The following CABIN1 variants were observed in gnomAD, a reference collection of about 807,000 sequenced individuals.
CABIN1 encodes the protein calcineurin binding protein 1.
In CABIN1, 133 loss-of-function variants were observed where a neutral mutation model predicts 227.7. That is an observed-to-expected ratio of 0.58 (90% CI 0.51 to 0.67). The LOEUF (loss-of-function observed/expected upper bound fraction) is 0.67. Ranked by LOEUF, CABIN1 falls within the 30% of genes least tolerant of loss-of-function variation. The probability of loss-of-function intolerance (pLI) is 0.00; values close to 1 mark genes in which losing one functional copy is unlikely to be tolerated. For synonymous variants in CABIN1, 1,086 were observed against 1,155.1 expected, an observed-to-expected ratio of 0.94 and a Z score of 1.21; for missense variants, 2,408 against 2,852.5, an observed-to-expected ratio of 0.84 and a Z score of 3.55.
chr22:24,122,761 A>G (rs6004064), intron 28 of CABIN1, among the ~76,000 whole-genome samples: 19,637 of 151,822 alleles, frequency 0.13, 1,553 homozygotes, highest in East Asian at 0.3. Context: ...TCGTTTAAGC[A>G]CCAAAGTTTC....
chr22:24,116,264 A>G (rs956651250), intron 27 of CABIN1, among the ~76,000 whole-genome samples: 4 of 152,340 alleles, frequency 2.6e-5, no homozygotes, highest in African/African-American at 7.2e-5. Flanking sequence ...AGTTGTCCAC[A>G]GTTTCATCAC....
chr22:24,155,769 C>G (rs561822166), intron 29 of CABIN1: 385 of 384,256 alleles, frequency 1.0e-3, no homozygotes, highest in African/African-American at 7.0e-3. Context: ...CCCGGCCTGC[C>G]GCACTCCTGG....
chr22:24,100,154 AT>A (rs772949001), intron 26 of CABIN1, among the ~76,000 whole-genome samples: 1 of 152,182 alleles, frequency 6.6e-6, no homozygotes, highest in Non-Finnish European at 1.5e-5. Flanking sequence ...TTTAAAAAAA[AT>A]GTCTTCAAAG....
At chr22:24,115,690 C>G (rs1012532732) in intron 27 of CABIN1, among the ~76,000 whole-genome samples, 2 of 152,166 alleles carry the variant, frequency 1.3e-5, no homozygotes, top group African/African-American at 4.8e-5. Flanking sequence ...AGCAGCCTGG[C>G]CATCACAGTC....
intron 29 of CABIN1, among the ~76,000 whole-genome samples, chr22:24,158,321 C>T (rs972958455): frequency 2.6e-5 from 4 of 152,224 alleles, no homozygotes; most frequent in Non-Finnish European, 4.4e-5. Context: ...TGCCCACTCT[C>T]GTGGTCCCCT....
chr22:24,151,908 C>T (rs371408002), intron 29 of CABIN1, among the ~76,000 whole-genome samples: 3 of 152,364 alleles, frequency 2.0e-5, no homozygotes, highest in African/African-American at 7.2e-5. Flanking sequence ...TTCCTCCACT[C>T]AGTCCTCCAG....
At chr22:24,015,768 C>A in intron 1 of CABIN1, among the ~76,000 whole-genome samples, 1 of 151,984 alleles carries the variant, frequency 6.6e-6, no homozygotes, top group Non-Finnish European at 1.5e-5. Flanking sequence ...CCAGCCTGAC[C>A]AACATGGTGA....
chr22:24,012,692 A>G (rs1297315642), intron 1 of CABIN1, among the ~76,000 whole-genome samples: 1 of 152,182 alleles, frequency 6.6e-6, no homozygotes, highest in Non-Finnish European at 1.5e-5. Flanking sequence ...CTGCTATCTG[A>G]GGAAATGCAG....
chr22:24,154,062 G>A (rs1410211977), intron 29 of CABIN1, among the ~76,000 whole-genome samples: 1 of 152,176 alleles, frequency 6.6e-6, no homozygotes, highest in Non-Finnish European at 1.5e-5. Context: ...GGAGAGCTAG[G>A]TGCTGCCCGT....
chr22:24,172,252 A>C (rs990517362), intron 34 of CABIN1, among the ~76,000 whole-genome samples: 3 of 152,124 alleles, frequency 2.0e-5, no homozygotes, highest in Admixed American at 6.5e-5. Context: ...GGTGGTGAGG[A>C]GGGAGGGAGC....
intron 19 of CABIN1, 152 bp from the exon 20 acceptor site, chr22:24,083,076 G>A: frequency 1.3e-6 from 1 of 759,128 alleles, no homozygotes; most frequent in Non-Finnish European, 2.2e-6. Flanking sequence ...GGAAACAGGT[G>A]TTTTTGGAAT....
intron 26 of CABIN1, chr22:24,102,326 T>G (rs1030994177): frequency 3.9e-5 from 6 of 152,252 alleles, no homozygotes; most frequent in African/African-American, 1.4e-4. Context: ...ATCCTTGCTC[T>G]CTGCCTGTCG....
chr22:24,156,120 T>G (rs1243656867), intron 29 of CABIN1: 4 of 402,138 alleles, frequency 9.9e-6, no homozygotes, highest in Non-Finnish European at 1.8e-5. Flanking sequence ...GGGCCGGGAC[T>G]GGGGCCGGGG....
chr22:24,096,773 A>G (rs901572530), intron 25 of CABIN1, among the ~76,000 whole-genome samples: 1 of 152,206 alleles, frequency 6.6e-6, no homozygotes, highest in South Asian at 2.1e-4. Flanking sequence ...CTTCTGAGAC[A>G]TGCTCAGGGT....
At chr22:24,165,387 C>G (rs1472656458) in intron 30 of CABIN1, 143 bp from the exon 31 acceptor site, 2 of 778,062 alleles carry the variant, frequency 2.6e-6, no homozygotes, top group Non-Finnish European at 2.2e-6. Flanking sequence ...TCTAGGGGAG[C>G]AGCCCCAAAC....
Position 24,045,454 on chromosome 22 carries a change from C to CT in CABIN1, c.526+2385dup, listed in dbSNP as rs201647137. Among the ~76,000 whole-genome samples, 643 of 142,206 alleles carry CT rather than the reference C, an allele frequency of 4.5e-3. 1 individual carries two copies. Among genetic ancestry groups the CT allele is most frequent in the African/African-American group, 7.5e-3 (293 of 38,968 alleles). The allele number at this position is 142,206 out of a possible 152,430, so 93.3% of individuals were successfully genotyped here. A position where few individuals can be genotyped will look rare whatever the true frequency, so the allele number is the denominator to read the frequency against. ...GATAGTGAAACCCCATTTAAAAATA[C>CT]TTTTTTTTTTTTTTTCATTAACTGG... is the stretch of plus-strand genomic sequence containing the variant. On this transcript the variant is annotated intron_variant, in intron 6 of 36. Transcript: ENST00000263119.
chr22:24,160,014 C>T (rs917602223), intron 29 of CABIN1, among the ~76,000 whole-genome samples: 1 of 152,178 alleles, frequency 6.6e-6, no homozygotes, highest in Admixed American at 6.5e-5. Context: ...TCTTGTTCCT[C>T]TGAGTGTTAA....
At chr22:24,112,168 TTACAA>T (rs1242725595) in intron 26 of CABIN1, among the ~76,000 whole-genome samples, 4 of 152,248 alleles carry the variant, frequency 2.6e-5, no homozygotes, top group East Asian at 3.8e-4. Context: ...TTTGTGTGTC[TTACAA>T]TTTTTACATT....
chr22:24,108,448 G>C lies in CABIN1; in HGVS notation c.4118-5118G>C, dbSNP rs146606671. ...TGCCATTCAGTGCTCATGGAGCCTT[G>C]TATTCTGGCTTTGTAAGTCAGGGAA... On this transcript the variant is annotated intron_variant, in intron 26 of 36. Transcript: ENST00000263119. Among the ~76,000 whole-genome samples, 127 of 152,344 alleles carry C rather than the reference G, an allele frequency of 8.3e-4. 1 individual carries two copies. The highest frequency in any genetic ancestry group is 2.9e-3 in the African/African-American group (120 of 41,572).
Sources: gnomAD v4.1 joint callset for allele counts (sites outside exome capture counted in the v4.1 genomes callset) on GRCh38, gnomAD v4.1.1 for gene constraint, MANE v1.5 for transcripts, NCBI Gene and HGNC (gene_info 2026-07-23, HGNC 2026-07-21) for gene names.